The following SNTG1 variants were observed in gnomAD, a reference collection of about 807,000 sequenced individuals.
The protein encoded by SNTG1 is syntrophin gamma 1, also known as gamma-1-syntrophin.
A neutral mutation model predicts 74.7 loss-of-function variants in SNTG1; 39 were observed. The observed-to-expected ratio is 0.52, with a 90% CI of 0.40 to 0.68. SNTG1 has a LOEUF of 0.68. Among genes scored for constraint, SNTG1 ranks in the 30% least tolerant of loss-of-function variants. The pLI, the probability that SNTG1 is intolerant of heterozygous loss-of-function variation, is 0.00. For missense variants in SNTG1, 685 were observed against 609.5 expected (o/e 1.12, Z -1.30); for synonymous variants, 254 against 217.1 (o/e 1.17, Z -1.49).
chr8:50,572,049 A>C (rs2094551760), intron 12 of SNTG1, among the ~76,000 whole-genome samples: 1 of 152,104 alleles, frequency 6.6e-6, no homozygotes, highest in South Asian at 2.1e-4. Flanking sequence ...CAATGGTAAA[A>C]CTATTTTCTT....
intron 13 of SNTG1, among the ~76,000 whole-genome samples, chr8:50,635,517 T>C (rs2095033389): frequency 6.6e-6 from 1 of 152,196 alleles, no homozygotes. Context: ...CAAAGTCCTT[T>C]CACTCTTCCT....
chr8:49,993,408 A>G (rs318868), intron 1 of SNTG1, among the ~76,000 whole-genome samples: 5,967 of 142,728 alleles, frequency 0.042, 411 homozygotes, highest in African/African-American at 0.15. Context: ...TTTTCATTTT[A>G]CTCTAAGTTC....
intron 1 of SNTG1, among the ~76,000 whole-genome samples, chr8:49,975,941 T>C (rs1812154782): frequency 6.6e-6 from 1 of 152,222 alleles, no homozygotes; most frequent in Non-Finnish European, 1.5e-5. Flanking sequence ...CATGAAATTG[T>C]CTTTCATTTA....
chr8:50,543,576 C>T (rs1463876825), intron 11 of SNTG1, among the ~76,000 whole-genome samples: 1 of 151,994 alleles, frequency 6.6e-6, no homozygotes, highest in Non-Finnish European at 1.5e-5. Context: ...AGATGTAGCA[C>T]ATTTAAAAAA....
intron 8 of SNTG1, among the ~76,000 whole-genome samples, chr8:50,486,856 A>C (rs2093799992): frequency 6.6e-6 from 1 of 152,156 alleles, no homozygotes; most frequent in African/African-American, 2.4e-5. Context: ...AGTTTTTAGC[A>C]TGAAGCGTTG....
intron 11 of SNTG1, among the ~76,000 whole-genome samples, chr8:50,546,830 G>T (rs963918380): frequency 6.6e-6 from 1 of 152,116 alleles, no homozygotes. Flanking sequence ...CACCCAGGCT[G>T]GAGTGCAGTG....
At chr8:50,647,207 T>C (rs989545949) in intron 13 of SNTG1, among the ~76,000 whole-genome samples, 1 of 152,074 alleles carries the variant, frequency 6.6e-6, no homozygotes, top group Non-Finnish European at 1.5e-5. Context: ...AAATAATTAA[T>C]TTATTGGACC....
chr8:50,326,679 T>G (rs534331076), intron 2 of SNTG1, among the ~76,000 whole-genome samples: 7 of 151,886 alleles, frequency 4.6e-5, no homozygotes, highest in Non-Finnish European at 8.8e-5. Flanking sequence ...ATTGATTTTT[T>G]TTTTCATTTT....
intron 1 of SNTG1, among the ~76,000 whole-genome samples, chr8:49,966,387 AAATT>A (rs1811142789): frequency 6.6e-6 from 1 of 151,756 alleles, no homozygotes; most frequent in East Asian, 1.9e-4. Context: ...GTCTTTTTTT[AAATT>A]AATTAATTAA....
At chr8:50,196,590 C>A (rs1359510635) in intron 2 of SNTG1, among the ~76,000 whole-genome samples, 2 of 152,012 alleles carry the variant, frequency 1.3e-5, no homozygotes, top group Non-Finnish European at 2.9e-5. Context: ...AAGTACTCTT[C>A]ATAGAAGAGC....
At chr8:50,069,276 T>C (rs999199907) in intron 1 of SNTG1, among the ~76,000 whole-genome samples, 11 of 152,182 alleles carry the variant, frequency 7.2e-5, no homozygotes, top group Non-Finnish European at 1.6e-4. Context: ...GGCTCAGTGG[T>C]ATCATGTTGG....
At chr8:50,342,773 A>G (rs2130946272) in intron 2 of SNTG1, among the ~76,000 whole-genome samples, 1 of 152,304 alleles carries the variant, frequency 6.6e-6, no homozygotes. Flanking sequence ...AGTAGTATTT[A>G]TATAAATTTA....
At chr8:49,958,115 A>G (rs1810346419) in intron 1 of SNTG1, among the ~76,000 whole-genome samples, 1 of 152,148 alleles carries the variant, frequency 6.6e-6, no homozygotes, top group Non-Finnish European at 1.5e-5. Context: ...TGTGGAGACC[A>G]CGAAATGAAG....
At chr8:50,293,104 T>C (rs2089196375) in intron 2 of SNTG1, among the ~76,000 whole-genome samples, 1 of 151,770 alleles carries the variant, frequency 6.6e-6, no homozygotes. Context: ...TTGGAATTCA[T>C]TATAGAATTG....
At chr8:49,938,651 T>TTTCTTTCTTTCTTTCCTTC (rs1563371342) in intron 1 of SNTG1, among the ~76,000 whole-genome samples, 9 of 52,652 alleles carry the variant, frequency 1.7e-4, no homozygotes, top group African/African-American at 4.7e-4. Context: ...TTCCTTCCTC[T>TTTCTTTCTTTCTTTCCTTC]CTCTCTCTCT....
chr8:50,295,878 A>G (rs2089341889), intron 2 of SNTG1, among the ~76,000 whole-genome samples: 2 of 152,190 alleles, frequency 1.3e-5, no homozygotes, highest in South Asian at 4.1e-4. Context: ...GCCTAATTTC[A>G]TTCTAGAGGC....
chr8:50,785,834 T>A (rs2095673269), intron 18 of SNTG1, among the ~76,000 whole-genome samples: 1 of 151,968 alleles, frequency 6.6e-6, no homozygotes, highest in African/African-American at 2.4e-5. Flanking sequence ...TTGGTATATA[T>A]CCCTGGAATG....
At chr8:50,162,400 A>C (rs1355813512) in intron 1 of SNTG1, among the ~76,000 whole-genome samples, 1 of 151,880 alleles carries the variant, frequency 6.6e-6, no homozygotes, top group Non-Finnish European at 1.5e-5. Flanking sequence ...GTCTCTACTA[A>C]AAATACAAAA....
At chr8:50,440,154 G>A (rs1587636839) in intron 5 of SNTG1, among the ~76,000 whole-genome samples, 1 of 151,264 alleles carries the variant, frequency 6.6e-6, no homozygotes, top group East Asian at 1.9e-4. Context: ...TTCAATTATT[G>A]ACCAAAAAGT....
Sources: gnomAD v4.1 joint callset for allele counts (sites outside exome capture counted in the v4.1 genomes callset) on GRCh38, gnomAD v4.1.1 for gene constraint, MANE v1.5 for transcripts, NCBI Gene and HGNC (gene_info 2026-07-23, HGNC 2026-07-21) for gene names.